Variants in ARHGEF26 observed in about 807,000 individuals in gnomAD.
ARHGEF26 encodes the protein Rho guanine nucleotide exchange factor 26.
ARHGEF26 carries 59 observed loss-of-function variants against 89.4 expected under a neutral mutation model. The ratio of observed to expected loss-of-function variants is 0.66; its 90% confidence interval spans 0.54 to 0.82. ARHGEF26 has a LOEUF of 0.82. Among genes scored for constraint, ARHGEF26 ranks in the 40% least tolerant of loss-of-function variants. The pLI is 0.00. For synonymous variants in ARHGEF26, 500 were observed against 428.4 expected (o/e 1.17, Z -2.06); for missense variants, 1,234 against 1,085.6 (o/e 1.14, Z -1.92).
chr3:154,236,458 C>A (rs1717131889), intron 11 of ARHGEF26, among the ~76,000 whole-genome samples: 1 of 152,222 alleles, frequency 6.6e-6, no homozygotes, highest in East Asian at 1.9e-4. Context: ...TAAACTTCTC[C>A]ATGCAAGGAA....
rs1576693437 is a variant in ARHGEF26, at chr3:154,140,340, G to A, written c.1270-9049G>A. 2.6e-5 allele frequency among the ~76,000 whole-genome samples: 4 copies of A among 152,276 alleles called. No individual in the cohort carries two copies. In the Middle Eastern group the frequency reaches 0.014, roughly 518 times the overall value. ...AACAAGTCAGCTGAGAGGCCAGGATGTTAAATGCGGCTGCTAGTTAAGGTC... is the reference window on the plus strand; with the variant it reads ...AACAAGTCAGCTGAGAGGCCAGGATATTAAATGCGGCTGCTAGTTAAGGTC... On this transcript the variant is annotated intron_variant, in intron 4 of 14. Coordinates refer to ENST00000465093, the MANE Select transcript of ARHGEF26 (RefSeq NM_015595.4).
At chr3:154,214,566 A>G (rs1018815924) in intron 9 of ARHGEF26, among the ~76,000 whole-genome samples, 4 of 152,142 alleles carry the variant, frequency 2.6e-5, no homozygotes, top group Admixed American at 1.3e-4. Context: ...GAGCGTGATG[A>G]AGGAGATGCT....
chr3:154,194,686 G>A lies in ARHGEF26; in HGVS notation c.1813G>A (p.Val605Ile), dbSNP rs748541768. Residue 605 changes from valine to isoleucine, a missense_variant, in exon 9 of 15, where the codon GTC (valine) becomes ATC (isoleucine). Physicochemically the swap from Val to Ile is conservative, Grantham distance 29 (BLOSUM62 3). Coordinates refer to ENST00000465093, the MANE Select transcript of ARHGEF26 (RefSeq NM_015595.4). ...ACCTAAGGACTCTCCGAAGTATGAA[G>A]TCTGCAAAAGAGCCTTGAAGGAAGT... ...KTPKDSPKYE[V>I]CKRALKEVSK... 4 of 1,612,964 alleles carry A rather than the reference G, an allele frequency of 2.5e-6. No individual in the cohort carries two copies. The highest frequency in any genetic ancestry group is 2.2e-5 in the East Asian group (1 of 44,846).
At chr3:154,225,789 T>A (rs1428055508) in intron 10 of ARHGEF26, 67 bp from the exon 11 acceptor site, 2 of 1,510,286 alleles carry the variant, frequency 1.3e-6, no homozygotes, top group African/African-American at 2.8e-5. Context: ...CGTTTTAGCT[T>A]TTACTTTCAG....
intron 9 of ARHGEF26, among the ~76,000 whole-genome samples, chr3:154,216,060 C>T (rs1338733922): frequency 1.3e-5 from 2 of 152,172 alleles, no homozygotes; most frequent in African/African-American, 4.8e-5. Context: ...TTTCCAACTA[C>T]ATCTGTGCAG....
chr3:154,156,896 GTTTTAC>G lies in ARHGEF26; in HGVS notation c.1487+3971_1487+3976del, dbSNP rs1720369882. On this transcript the variant is annotated intron_variant, in intron 6 of 14. Coordinates refer to ENST00000465093, the MANE Select transcript of ARHGEF26 (RefSeq NM_015595.4). ...TGTCATAACCAGGGCTATCTTCATT[GTTTTAC>G]TTTTACCTAATGAAAAATTATAGCT... 5.3e-5 allele frequency among the ~76,000 whole-genome samples: 8 copies of G among 152,246 alleles called. No individual in the cohort carries two copies. In the South Asian group the frequency reaches 1.0e-3, roughly 20 times the overall value.
chr3:154,203,913 A>G (rs1262414016), intron 9 of ARHGEF26, among the ~76,000 whole-genome samples: 1 of 148,314 alleles, frequency 6.7e-6, no homozygotes, highest in Admixed American at 6.7e-5. Flanking sequence ...TATTTTTTTG[A>G]GGATTTTTGC....
intron 9 of ARHGEF26, among the ~76,000 whole-genome samples, chr3:154,205,949 G>T (rs1321933475): frequency 6.6e-6 from 1 of 152,084 alleles, no homozygotes; most frequent in Non-Finnish European, 1.5e-5. Flanking sequence ...ATAATATTCT[G>T]TGTTTTTCTA....
At chr3:154,198,561 A>G (rs974046942) in intron 9 of ARHGEF26, among the ~76,000 whole-genome samples, 1 of 152,196 alleles carries the variant, frequency 6.6e-6, no homozygotes, top group Non-Finnish European at 1.5e-5. Flanking sequence ...AAAGAAACAA[A>G]ATAATGGCAT....
Position 154,163,955 on chromosome 3 carries a change from A to G in ARHGEF26, c.1487+11023A>G, listed in dbSNP as rs920368716. On this transcript the variant is annotated intron_variant, in intron 6 of 14. Transcript: ENST00000465093. ...TTTCCTCAGATTAAAAAAATACCCA[A>G]ATAACATACACTACCCTCCTTAAAC... Among the ~76,000 whole-genome samples the G allele has an allele frequency of 1.3e-4, 20 of 152,222 alleles. 2 individuals carry two copies. The highest frequency in any genetic ancestry group is 1.2e-3 in the Admixed American group (18 of 15,274).
intron 6 of ARHGEF26, among the ~76,000 whole-genome samples, chr3:154,175,450 G>A (rs566101442): frequency 2.0e-5 from 3 of 152,094 alleles, no homozygotes; most frequent in East Asian, 3.9e-4. Context: ...AAAAGTGCAA[G>A]GAATTAATGT....
intron 3 of ARHGEF26, among the ~76,000 whole-genome samples, chr3:154,126,688 ACTGT>A (rs1224508566): frequency 6.6e-6 from 1 of 152,174 alleles, no homozygotes; most frequent in African/African-American, 2.4e-5. Flanking sequence ...CTTGATTTGG[ACTGT>A]CTGGCTCATG....
At chr3:154,231,913 T>A (rs181547) in intron 11 of ARHGEF26, among the ~76,000 whole-genome samples, 2 of 149,504 alleles carry the variant, frequency 1.3e-5, no homozygotes, top group African/African-American at 2.5e-5. Flanking sequence ...TTTTTTTTTT[T>A]CACTATTCCT....
chr3:154,156,836 T>G (rs1174697230), intron 6 of ARHGEF26, among the ~76,000 whole-genome samples: 1 of 152,192 alleles, frequency 6.6e-6, no homozygotes, highest in Non-Finnish European at 1.5e-5. Context: ...GTGTCTGAAT[T>G]AGATATTACA....
In ARHGEF26 at chr3:154,185,496, C is replaced by T. The variant is rs190290217; in HGVS notation, c.1488-2189C>T. Among the ~76,000 whole-genome samples the T allele has an allele frequency of 1.6e-4, 24 of 152,138 alleles. No individual in the cohort carries two copies. The East Asian group carries it at 4.3e-3, about 27-fold the overall frequency. On this transcript the variant is annotated intron_variant, in intron 6 of 14. Coordinates refer to ENST00000465093, the MANE Select transcript of ARHGEF26 (RefSeq NM_015595.4). Reference sequence around the variant, plus strand: ...AATTTCTGCTTTATTATATAGGGTACGACTCAAGAACAGCCAAATACAAGG... The same window carrying T: ...AATTTCTGCTTTATTATATAGGGTATGACTCAAGAACAGCCAAATACAAGG...
At chr3:154,202,895 T>C (rs1241843961) in intron 9 of ARHGEF26, among the ~76,000 whole-genome samples, 1 of 152,196 alleles carries the variant, frequency 6.6e-6, no homozygotes, top group African/African-American at 2.4e-5. Context: ...AAGGAGATTT[T>C]GGGTTGAGAC....
intron 11 of ARHGEF26, among the ~76,000 whole-genome samples, chr3:154,234,823 T>G (rs959123997): frequency 6.6e-6 from 1 of 152,200 alleles, no homozygotes; most frequent in Non-Finnish European, 1.5e-5. Context: ...TGGAGTGCGG[T>G]GGCGCAATCT....
At position 154,224,987 on chromosome 3, in the gene ARHGEF26, A is replaced by G. The variant is rs183916338; in HGVS notation, c.1936-869A>G. Among the ~76,000 whole-genome samples, 541 of 152,162 alleles carry G rather than the reference A, an allele frequency of 3.6e-3. 5 individuals are homozygous for G. The highest frequency in any genetic ancestry group is 0.012 in the African/African-American group (517 of 41,540). ...TTCTGCATTATGTTTTGTGTGTCCA[A>G]GAACTTTTGCTTATTTTATGGATGT... is the stretch of plus-strand genomic sequence containing the variant. On this transcript the variant is annotated intron_variant, in intron 10 of 14. Coordinates refer to ENST00000465093, the MANE Select transcript of ARHGEF26 (RefSeq NM_015595.4).
At chr3:154,135,238 C>T (rs1335047010) in intron 4 of ARHGEF26, among the ~76,000 whole-genome samples, 2 of 152,100 alleles carry the variant, frequency 1.3e-5, no homozygotes, top group African/African-American at 4.8e-5. Flanking sequence ...CTATTTATTA[C>T]TGCCTCAATT....
Sources: allele counts gnomAD v4.1 joint callset (sites outside exome capture counted in the v4.1 genomes callset), GRCh38; gene constraint gnomAD v4.1.1; transcripts MANE v1.5; gene names NCBI Gene and HGNC (gene_info 2026-07-23, HGNC 2026-07-21).